Variants in SAMD12 observed in about 807,000 individuals in gnomAD.
SAMD12 encodes sterile alpha motif domain containing 12, also known as sterile alpha motif domain-containing protein 12.
A neutral mutation model predicts 15.0 loss-of-function variants in SAMD12; 9 were observed. The observed-to-expected ratio is 0.60, with a 90% CI of 0.36 to 1.05. The LOEUF (loss-of-function observed/expected upper bound fraction) is 1.05. SAMD12 is among the 50% of genes least tolerant of loss of function. SAMD12 has a pLI of 0.01. For synonymous variants in SAMD12, 86 were observed against 90.1 expected, an observed-to-expected ratio of 0.96 and a Z score of 0.25; for missense variants, 230 against 234.2, an observed-to-expected ratio of 0.98 and a Z score of 0.12.
intron 4 of SAMD12, among the ~76,000 whole-genome samples, chr8:118,251,084 C>T (rs976503075): frequency 1.3e-5 from 2 of 152,192 alleles, no homozygotes; most frequent in South Asian, 2.1e-4. Flanking sequence ...CTAGCCCTTC[C>T]GATAGCTGTG....
At chr8:118,621,263 A>G (rs1189229440) in intron 1 of SAMD12, 1 of 155,372 alleles carries the variant, frequency 6.4e-6, no homozygotes, top group African/African-American at 2.4e-5. Context: ...CTGGCTGTAT[A>G]AGCAGAGACA....
At position 118,275,920 on chromosome 8, in the gene SAMD12, G is replaced by A. The variant is rs145032391; in HGVS notation, c.434-78188C>T. 2.3e-3 allele frequency among the ~76,000 whole-genome samples: 345 copies of A among 152,314 alleles called. 1 individual carries two copies. Among genetic ancestry groups the A allele is most frequent in the African/African-American group, 8.0e-3 (331 of 41,566 alleles). The stretch of plus-strand genomic sequence containing the variant: ...TTTTAATGGATGCAAAGTATTCCAT[G>A]ATGTATGTGTAACACATTTTCTTTA... On this transcript the variant is annotated intron_variant, in intron 4 of 4. Transcript: ENST00000409003.
the SAMD12 span, among the ~76,000 whole-genome samples, chr8:118,182,137 T>C: frequency 3.9e-5 from 6 of 152,188 alleles, no homozygotes; most frequent in African/African-American, 1.4e-4. Flanking sequence ...TGTCTACTGC[T>C]TCACTTGGGG....
At chr8:118,518,946 A>C (rs1825318005) in intron 2 of SAMD12, among the ~76,000 whole-genome samples, 1 of 152,202 alleles carries the variant, frequency 6.6e-6, no homozygotes, top group South Asian at 2.1e-4. Flanking sequence ...CTCCTAAAAG[A>C]GAATGTGGAA....
the SAMD12 span, among the ~76,000 whole-genome samples, chr8:118,173,200 C>CT: frequency 4.6e-5 from 7 of 152,190 alleles, no homozygotes; most frequent in Non-Finnish European, 8.8e-5. Context: ...CCTGAAATTT[C>CT]TTTTTATTTC....
rs561956242 is a variant in SAMD12, at chr8:118,312,619, T to G, written c.433+66941A>C. Among the ~76,000 whole-genome samples the G allele has an allele frequency of 1.5e-4, 23 of 152,336 alleles. 1 individual carries two copies. The South Asian group carries it at 2.7e-3, about 18-fold the overall frequency. The stretch of plus-strand genomic sequence containing the variant: ...TTCTACCATCCCCACCATGGCCATC[T>G]CCAACTACAGCTTTTATTAAACCAC... On this transcript the variant is annotated intron_variant, in intron 4 of 4. Transcript: ENST00000409003.
the SAMD12 span, among the ~76,000 whole-genome samples, chr8:118,145,254 T>C: frequency 6.6e-6 from 1 of 152,126 alleles, no homozygotes; most frequent in East Asian, 1.9e-4. Context: ...GGGTAAATTA[T>C]ATATTTGGCA....
chr8:118,245,712 A>G (rs1046533665), intron 4 of SAMD12, among the ~76,000 whole-genome samples: 3 of 152,168 alleles, frequency 2.0e-5, no homozygotes, highest in Non-Finnish European at 4.4e-5. Context: ...AAAGGGACTA[A>G]CTGGCAAAAC....
chr8:118,269,500 C>T (rs1813293530), intron 4 of SAMD12, among the ~76,000 whole-genome samples: 1 of 152,090 alleles, frequency 6.6e-6, no homozygotes, highest in Non-Finnish European at 1.5e-5. Flanking sequence ...ACCTTATGCC[C>T]AGGCCCCCTT....
chr8:118,427,013 G>C (rs1429285817), intron 3 of SAMD12, among the ~76,000 whole-genome samples: 4 of 152,324 alleles, frequency 2.6e-5, no homozygotes, highest in African/African-American at 9.6e-5. Context: ...AAGGAGAAGA[G>C]AAGAGAGTAT....
At chr8:118,599,783 G>T (rs1051879287) in intron 1 of SAMD12, among the ~76,000 whole-genome samples, 3 of 152,104 alleles carry the variant, frequency 2.0e-5, no homozygotes, top group African/African-American at 4.8e-5. Flanking sequence ...GGAAATAATT[G>T]TTCTCTCTCC....
chr8:118,377,470 A>G (rs1032544220), downstream of SAMD12, among the ~76,000 whole-genome samples: 2 of 152,130 alleles, frequency 1.3e-5, no homozygotes, highest in Admixed American at 1.3e-4. Context: ...AGCACAGACA[A>G]AATACCCAAG....
At chr8:118,365,137 T>C (rs979082829) in intron 4 of SAMD12, among the ~76,000 whole-genome samples, 1 of 152,196 alleles carries the variant, frequency 6.6e-6, no homozygotes, top group African/African-American at 2.4e-5. Flanking sequence ...TCCTTACTTT[T>C]CCAATCTCAC....
chr8:118,166,311 T>A, the SAMD12 span, among the ~76,000 whole-genome samples: 1 of 152,360 alleles, frequency 6.6e-6, no homozygotes, highest in Middle Eastern at 3.4e-3. Context: ...TCTCACATCT[T>A]CAAAAGGAGT....
At chr8:118,228,328 C>T (rs183084806) in intron 4 of SAMD12, among the ~76,000 whole-genome samples, 7 of 152,240 alleles carry the variant, frequency 4.6e-5, no homozygotes, top group East Asian at 1.9e-4. Context: ...AAGGAACAGT[C>T]GGCAGAGTCA....
intron 3 of SAMD12, among the ~76,000 whole-genome samples, chr8:118,395,969 A>G (rs1820546515): frequency 6.6e-6 from 1 of 152,072 alleles, no homozygotes; most frequent in African/African-American, 2.4e-5. Context: ...AAGTTAGAAA[A>G]AAAGAGAAAG....
At chr8:118,481,194 A>G (rs1477220602) in intron 2 of SAMD12, among the ~76,000 whole-genome samples, 2 of 148,296 alleles carry the variant, frequency 1.3e-5, no homozygotes, top group Admixed American at 6.8e-5. Context: ...ACCTCAAGTG[A>G]TCCGCCTGCC....
chr8:118,374,833 T>TC (rs71569765), downstream of SAMD12, among the ~76,000 whole-genome samples: 1 of 150,970 alleles, frequency 6.6e-6, no homozygotes, highest in African/African-American at 2.4e-5. Context: ...TGTTTTTTTT[T>TC]CCCCTTGTGT....
chr8:118,495,174 A>T (rs1482093616), intron 2 of SAMD12, among the ~76,000 whole-genome samples: 2 of 152,196 alleles, frequency 1.3e-5, no homozygotes, highest in Non-Finnish European at 2.9e-5. Context: ...TTAGGCAGTA[A>T]CGTATGAAAC....
Sources: allele counts gnomAD v4.1 joint callset (sites outside exome capture counted in the v4.1 genomes callset), GRCh38; gene constraint gnomAD v4.1.1; transcripts MANE v1.5; gene names NCBI Gene and HGNC (gene_info 2026-07-23, HGNC 2026-07-21).